Variants in NTM observed in about 807,000 individuals in gnomAD.
The protein encoded by NTM is IgLON family member 2.
NTM carries 13 observed loss-of-function variants against 42.1 expected under a neutral mutation model. That is an observed-to-expected ratio of 0.31 (90% CI 0.20 to 0.49). The LOEUF is 0.49. Ranked by LOEUF, NTM falls within the 20% of genes least tolerant of loss-of-function variation. The probability of loss-of-function intolerance (pLI) is 0.99; values close to 1 mark genes in which losing one functional copy is unlikely to be tolerated. For synonymous variants in NTM, 187 were observed against 179.2 expected (o/e 1.04, Z -0.35); for missense variants, 373 against 452.8 (o/e 0.82, Z 1.60).
intron 2 of NTM, among the ~76,000 whole-genome samples, chr11:131,956,788 G>A (rs1471574134): frequency 6.6e-6 from 1 of 152,126 alleles, no homozygotes; most frequent in Non-Finnish European, 1.5e-5. Flanking sequence ...TCTATGGTCA[G>A]CCTCTGTTTT....
chr11:132,157,551 A>G (rs1218701858), intron 3 of NTM, among the ~76,000 whole-genome samples: 1 of 152,176 alleles, frequency 6.6e-6, no homozygotes, highest in Non-Finnish European at 1.5e-5. Flanking sequence ...TAATGAGAGG[A>G]AACCATTGAT....
chr11:131,627,212 G>A (rs956137502), intron 1 of NTM, among the ~76,000 whole-genome samples: 5 of 151,412 alleles, frequency 3.3e-5, no homozygotes, highest in Admixed American at 6.6e-5. Context: ...TAAAGCAGGC[G>A]GCTTTTATTT....
chr11:132,283,610 C>A (rs2094098481), intron 4 of NTM, among the ~76,000 whole-genome samples: 1 of 152,136 alleles, frequency 6.6e-6, no homozygotes, highest in South Asian at 2.1e-4. Context: ...ATATTTGCAT[C>A]ATGGTTATAT....
chr11:132,012,158 C>T lies in NTM; in HGVS notation c.167+100510C>T, dbSNP rs189042094. Among the ~76,000 whole-genome samples, 15 of 151,414 alleles carry T rather than the reference C, an allele frequency of 9.9e-5. No homozygotes were observed. The East Asian group carries it at 2.1e-3, about 22-fold the overall frequency. ...TGTAAACCTATGTGGTGGATAGGGT[C>T]GGGGAAGAAAGGAAAAAGAGGGAAA... On this transcript the variant is annotated intron_variant, in intron 2 of 8. Coordinates refer to ENST00000683400, the MANE Select transcript of NTM (RefSeq NM_001352005.2).
rs1177932100 is a variant in NTM at position 132,091,021 on chromosome 11, T to C, written c.168-55261T>C. The stretch of plus-strand genomic sequence containing the variant: ...TTCTCCATTCCACACAAGCCTTTAC[T>C]GTGTCTTTCTTACTCAAGAGGATTA... On this transcript the variant is annotated intron_variant, in intron 2 of 8. Coordinates refer to ENST00000683400, the MANE Select transcript of NTM (RefSeq NM_001352005.2). Among the ~76,000 whole-genome samples, 7 of 152,336 alleles carry C rather than the reference T, an allele frequency of 4.6e-5. No individual in the cohort carries two copies. In the East Asian group the frequency reaches 1.4e-3, roughly 29 times the overall value.
intron 1 of NTM, among the ~76,000 whole-genome samples, chr11:131,868,904 G>T (rs1390205654): frequency 6.6e-6 from 1 of 152,110 alleles, no homozygotes; most frequent in East Asian, 1.9e-4. Context: ...GTCTTGAAGA[G>T]ACTCACCACT....
intron 1 of NTM, among the ~76,000 whole-genome samples, chr11:131,791,375 TG>T (rs2090911100): frequency 6.6e-6 from 1 of 152,268 alleles, no homozygotes; most frequent in African/African-American, 2.4e-5. Flanking sequence ...TGCTTGTTTT[TG>T]TCTGTGTTTA....
intron 1 of NTM, among the ~76,000 whole-genome samples, chr11:131,666,376 C>G (rs561698873): frequency 6.6e-6 from 1 of 152,174 alleles, no homozygotes; most frequent in Non-Finnish European, 1.5e-5. Context: ...CAAACAGCTA[C>G]GGCCAGACTC....
chr11:132,279,691 G>C (rs1486229755), intron 4 of NTM, among the ~76,000 whole-genome samples: 1 of 151,988 alleles, frequency 6.6e-6, no homozygotes, highest in African/African-American at 2.4e-5. Flanking sequence ...CTCAGCTTAA[G>C]TGCTACCTCT....
intron 1 of NTM, among the ~76,000 whole-genome samples, chr11:131,594,771 A>G (rs1002483480): frequency 6.6e-6 from 1 of 152,188 alleles, no homozygotes; most frequent in Non-Finnish European, 1.5e-5. Flanking sequence ...GGGAGGTAGA[A>G]GGAAGGAAAT....
chr11:131,779,137 A>G (rs1591783349), intron 1 of NTM, among the ~76,000 whole-genome samples: 1 of 152,228 alleles, frequency 6.6e-6, no homozygotes, highest in South Asian at 2.1e-4. Flanking sequence ...ACAGCTCATA[A>G]GATCACAAGG....
intron 1 of NTM, among the ~76,000 whole-genome samples, chr11:131,551,806 G>T (rs1490087271): frequency 6.6e-6 from 1 of 152,164 alleles, no homozygotes; most frequent in East Asian, 1.9e-4. Flanking sequence ...TAGTCCTCAG[G>T]TAACTTAGAA....
intron 1 of NTM, among the ~76,000 whole-genome samples, chr11:131,875,337 G>C (rs979504975): frequency 3.3e-5 from 5 of 152,196 alleles, no homozygotes; most frequent in Non-Finnish European, 7.3e-5. Flanking sequence ...TTCCTTGAAG[G>C]CAGGATCTGT....
chr11:131,910,893 C>T (rs772842269), intron 1 of NTM: 1 of 986,148 alleles, frequency 1.0e-6, no homozygotes, highest in Non-Finnish European at 1.2e-6. Flanking sequence ...CCGGATCGCA[C>T]GAAGCCCGCG....
intron 1 of NTM, among the ~76,000 whole-genome samples, chr11:131,625,609 G>A (rs1210761264): frequency 6.6e-6 from 1 of 151,794 alleles, no homozygotes; most frequent in Admixed American, 6.6e-5. Context: ...ATAGCCTGGT[G>A]CACAGAATGT....
At chr11:131,777,391 G>T (rs545902212) in intron 1 of NTM, among the ~76,000 whole-genome samples, 36 of 151,742 alleles carry the variant, frequency 2.4e-4, no homozygotes, top group Non-Finnish European at 2.9e-4. Flanking sequence ...AAAGTTGTGA[G>T]ATACATAAAC....
At chr11:132,040,293 A>T (rs1372613209) in intron 2 of NTM, among the ~76,000 whole-genome samples, 1 of 152,116 alleles carries the variant, frequency 6.6e-6, no homozygotes, top group East Asian at 1.9e-4. Context: ...TTTGTATCTC[A>T]GTTTACTAGT....
At chr11:131,500,034 C>A (rs1257354729) in intron 1 of NTM, among the ~76,000 whole-genome samples, 1 of 152,226 alleles carries the variant, frequency 6.6e-6, no homozygotes, top group Non-Finnish European at 1.5e-5. Context: ...GTGGTCCCCC[C>A]ATGCCTGCCC....
chr11:131,517,577 C>A (rs1455802186), intron 1 of NTM, among the ~76,000 whole-genome samples: 2 of 152,038 alleles, frequency 1.3e-5, no homozygotes, highest in Non-Finnish European at 2.9e-5. Flanking sequence ...ATTGATAACT[C>A]AAGCATCACT....
Sources: allele counts gnomAD v4.1 joint callset (sites outside exome capture counted in the v4.1 genomes callset), GRCh38; gene constraint gnomAD v4.1.1; transcripts MANE v1.5; gene names NCBI Gene and HGNC (gene_info 2026-07-23, HGNC 2026-07-21).